The following BMAL1 variants were observed in gnomAD, a reference collection of about 807,000 sequenced individuals.
BMAL1 encodes the protein basic helix-loop-helix ARNT like 1.
the BMAL1 span, among the ~76,000 whole-genome samples, chr11:13,284,182 ATATATATATATGTGTG>A: frequency 0.043 from 2,361 of 55,060 alleles, 249 homozygotes; most frequent in African/African-American, 0.09. Context: ...ATATATGTGT[ATATATATATATGTGTG>A]TATATATATA....
chr11:13,383,426 C>T, the BMAL1 span, among the ~76,000 whole-genome samples: 2 of 152,134 alleles, frequency 1.3e-5, no homozygotes, highest in Non-Finnish European at 1.5e-5. Flanking sequence ...ACTAAAAGCA[C>T]GGTTGGGTAA....
chr11:13,354,546 G>T, the BMAL1 span: 2 of 1,480,086 alleles, frequency 1.4e-6, no homozygotes, highest in Non-Finnish European at 1.8e-6. Context: ...CCTGGAAAAG[G>T]GGATGGGAAT....
At chr11:13,295,752 A>G in the BMAL1 span, among the ~76,000 whole-genome samples, 1 of 152,236 alleles carries the variant, frequency 6.6e-6, no homozygotes, top group Non-Finnish European at 1.5e-5. Flanking sequence ...TGCATGCTGC[A>G]GCTTTGTCTG....
the BMAL1 span, among the ~76,000 whole-genome samples, chr11:13,313,778 C>A: frequency 6.6e-6 from 1 of 152,142 alleles, no homozygotes; most frequent in Non-Finnish European, 1.5e-5. Flanking sequence ...CTTTCTTTTG[C>A]TTAAAGCTCT....
At chr11:13,284,128 GTATATATATATATA>G in the BMAL1 span, among the ~76,000 whole-genome samples, 47 of 58,846 alleles carry the variant, frequency 8.0e-4, 7 homozygotes, top group South Asian at 3.0e-3. Flanking sequence ...ATGTGTGTGT[GTATATATATATATA>G]TGTGTATATA....
At chr11:13,319,973 A>AT in the BMAL1 span, among the ~76,000 whole-genome samples, 1 of 152,244 alleles carries the variant, frequency 6.6e-6, no homozygotes, top group Non-Finnish European at 1.5e-5. Flanking sequence ...ACTGAGCTAG[A>AT]TGAGGAAAGC....
chr11:13,313,006 T>A, the BMAL1 span, among the ~76,000 whole-genome samples: 1 of 152,330 alleles, frequency 6.6e-6, no homozygotes, highest in East Asian at 1.9e-4. Context: ...GTCCAAGAAG[T>A]GAGACAGTGA....
At chr11:13,370,260 T>C in the BMAL1 span, among the ~76,000 whole-genome samples, 1 of 152,246 alleles carries the variant, frequency 6.6e-6, no homozygotes, top group South Asian at 2.1e-4. Context: ...CCCCTCTCTG[T>C]CCTGGGCTGC....
At chr11:13,308,431 G>T in the BMAL1 span, among the ~76,000 whole-genome samples, 1 of 152,172 alleles carries the variant, frequency 6.6e-6, no homozygotes, top group Non-Finnish European at 1.5e-5. Context: ...GTGAATCCAG[G>T]AGACTAGTTG....
chr11:13,354,338 A>C, the BMAL1 span: 1 of 1,612,888 alleles, frequency 6.2e-7, no homozygotes, highest in African/African-American at 1.3e-5. Flanking sequence ...ACATTTCTTC[A>C]ACCATCAGTG....
the BMAL1 span, among the ~76,000 whole-genome samples, chr11:13,316,655 C>T: frequency 2.0e-5 from 3 of 152,346 alleles, no homozygotes; most frequent in South Asian, 4.1e-4. Context: ...TAGGGCAACT[C>T]ACCAGGCCTC....
the BMAL1 span, among the ~76,000 whole-genome samples, chr11:13,296,236 T>C: frequency 1.3e-5 from 2 of 152,172 alleles, no homozygotes; most frequent in Non-Finnish European, 2.9e-5. Flanking sequence ...CCTGCAAACA[T>C]CAGTGATGGG....
the BMAL1 span, among the ~76,000 whole-genome samples, chr11:13,354,105 AT>A: frequency 6.6e-6 from 1 of 152,114 alleles, no homozygotes; most frequent in African/African-American, 2.4e-5. Context: ...AATAAATATG[AT>A]GCTCTTTCCA....
the BMAL1 span, among the ~76,000 whole-genome samples, chr11:13,292,879 G>A: frequency 0.92 from 140,738 of 152,254 alleles, 65,510 homozygotes; most frequent in East Asian, 1. Flanking sequence ...AGACCCGGAA[G>A]CAGCACATTC....
the BMAL1 span, among the ~76,000 whole-genome samples, chr11:13,290,090 T>C: frequency 1.3e-5 from 2 of 152,338 alleles, no homozygotes; most frequent in Admixed American, 1.3e-4. Context: ...TGGTGTGAGA[T>C]GGTATCTCAT....
the BMAL1 span, among the ~76,000 whole-genome samples, chr11:13,344,233 T>G: frequency 0.02 from 3,064 of 152,214 alleles, 111 homozygotes; most frequent in African/African-American, 0.071. Context: ...CACAAGCAAA[T>G]CATTTTTTCA....
chr11:13,358,403 A>G, the BMAL1 span: 3 of 1,483,982 alleles, frequency 2.0e-6, no homozygotes, highest in Non-Finnish European at 1.8e-6. Context: ...GTTACATTTT[A>G]TAAGAAATCG....
the BMAL1 span, chr11:13,376,776 T>C: frequency 1.9e-6 from 3 of 1,571,236 alleles, no homozygotes; most frequent in African/African-American, 1.4e-5. Context: ...GGGAAGGTGC[T>C]TGTGGTCAAA....
chr11:13,368,513 C>T, the BMAL1 span, among the ~76,000 whole-genome samples: 5 of 152,012 alleles, frequency 3.3e-5, no homozygotes, highest in East Asian at 1.9e-4. Context: ...GGGGCAGGCT[C>T]GGATTGGCAT....
Sources: allele counts gnomAD v4.1 joint callset (sites outside exome capture counted in the v4.1 genomes callset), GRCh38; gene constraint gnomAD v4.1.1; transcripts MANE v1.5; gene names NCBI Gene and HGNC (gene_info 2026-07-23, HGNC 2026-07-21).